Variants in TDRD12 observed in about 807,000 individuals in gnomAD.
The protein encoded by TDRD12 is putative ATP-dependent RNA helicase TDRD12.
A neutral mutation model predicts 133.5 loss-of-function variants in TDRD12; 158 were observed. That is an observed-to-expected ratio of 1.18 (90% CI 1.04 to 1.35). TDRD12 has a LOEUF of 1.35. Ranked by LOEUF, TDRD12 falls within the 40% of genes most tolerant of loss-of-function variation. TDRD12 has a pLI of 0.00. For synonymous variants in TDRD12, 460 were observed against 477.9 expected (o/e 0.96, Z 0.49); for missense variants, 1,443 against 1,321.3 (o/e 1.09, Z -1.43).
rs146717398 is a variant in TDRD12 at position 32,768,659 on chromosome 19, C to T, written c.866-4094C>T. ...GAGATTACAGGTGTGAGCCACTGCA[C>T]GCTGAGACCTTTCTTTGGCTTACTT... On this transcript the variant is annotated intron_variant, in intron 8 of 27. Transcript: ENST00000444215. 5.7e-3 allele frequency among the ~76,000 whole-genome samples: 872 copies of T among 152,196 alleles called. 7 individuals are homozygous for T. Among genetic ancestry groups the T allele is most frequent in the South Asian group, 0.011 (54 of 4,824 alleles).
chr19:32,776,335 G>A (rs1302529380), intron 10 of TDRD12, among the ~76,000 whole-genome samples: 2 of 152,328 alleles, frequency 1.3e-5, no homozygotes, highest in African/African-American at 2.4e-5. Flanking sequence ...CTGGCTTCAG[G>A]TGCAGGTTTT....
chr19:32,738,673 C>T lies in TDRD12; in HGVS notation c.184-183C>T, dbSNP rs1969298083. ...TACTAAAATACAAAAATTAGCCAGG[C>T]ATGGCGGCAGGCACCTGTAATCCCA... On this transcript the variant is annotated intron_variant, in intron 2 of 27. Coordinates refer to ENST00000444215, the Ensembl canonical transcript of TDRD12. Among the ~76,000 whole-genome samples the T allele has an allele frequency of 3.9e-5, 6 of 152,146 alleles. No homozygotes were observed. In the South Asian group the frequency reaches 1.2e-3, roughly 32 times the overall value.
At position 32,815,628 on chromosome 19, in the gene TDRD12, G is replaced by A. The variant is rs765274492; in HGVS notation, c.3314+8G>A. 2 of 1,525,924 alleles carry A rather than the reference G, an allele frequency of 1.3e-6. No individual in the cohort carries two copies. Among genetic ancestry groups the A allele is most frequent in the South Asian group, 2.4e-5 (2 of 81,880 alleles). The allele number at this position is 1,525,924 out of a possible 1,614,324, so 94.5% of individuals were successfully genotyped here. On this transcript the variant is annotated splice_region_variant and intron_variant, in intron 26 of 27. Coordinates refer to ENST00000444215, the Ensembl canonical transcript of TDRD12. ...AAGCCTAAGCCAGACCCCGTAAGTG[G>A]ATTTCTGTCTCCTTTTTGGAAGAGT...
chr19:32,734,940 C>T (rs554685294), intron 2 of TDRD12, among the ~76,000 whole-genome samples: 2 of 152,184 alleles, frequency 1.3e-5, no homozygotes, highest in South Asian at 4.2e-4. Context: ...TGGGGTGCCA[C>T]GAATTGCACC....
chr19:32,747,104 C>G (rs1220819917), intron 4 of TDRD12, among the ~76,000 whole-genome samples: 1 of 145,670 alleles, frequency 6.9e-6, no homozygotes, highest in African/African-American at 2.6e-5. Flanking sequence ...TGGGGTTATT[C>G]TGTGTGTGTG....
At chr19:32,823,369 C>G (rs1967469603), downstream of TDRD12, among the ~76,000 whole-genome samples, 1 of 151,888 alleles carries the variant, frequency 6.6e-6, no homozygotes, top group South Asian at 2.1e-4. Context: ...GCCATTTCCC[C>G]ACACAGCTTT....
intron 3 of TDRD12, among the ~76,000 whole-genome samples, chr19:32,740,007 A>ATCTCCTGGGTGCTCTCTGCC (rs1189620209): frequency 3.7e-4 from 36 of 97,296 alleles, no homozygotes; most frequent in African/African-American, 1.5e-3. Flanking sequence ...TGCTCTCTGC[A>ATCTCCTGGGTGCTCTCTGCC]TCTCCTGGGT....
intron 8 of TDRD12, among the ~76,000 whole-genome samples, chr19:32,757,601 G>C (rs1441352195): frequency 6.6e-6 from 1 of 152,164 alleles, no homozygotes; most frequent in South Asian, 2.1e-4. Flanking sequence ...CCTCTGTGGT[G>C]GTTCCTCCAC....
intron 26 of TDRD12, among the ~76,000 whole-genome samples, chr19:32,817,674 C>A (rs1212505318): frequency 6.6e-6 from 1 of 151,604 alleles, no homozygotes; most frequent in Admixed American, 6.6e-5. Context: ...TTTTGGGGAA[C>A]CTCCATCCAG....
At chr19:32,756,217 T>C (rs1281418098) in intron 7 of TDRD12, 36 bp downstream of exon 7, 2 of 1,380,748 alleles carry the variant, frequency 1.4e-6, no homozygotes, top group Admixed American at 3.9e-5. Context: ...TTCCCTTACA[T>C]TGTTTTATTA....
At chr19:32,738,082 A>C (rs550038235) in intron 2 of TDRD12, among the ~76,000 whole-genome samples, 7 of 152,152 alleles carry the variant, frequency 4.6e-5, no homozygotes, top group Admixed American at 2.0e-4. Flanking sequence ...GGTTGCAGTG[A>C]GCCAAGGTCG....
intron 11 of TDRD12, among the ~76,000 whole-genome samples, chr19:32,788,991 A>G (rs1476574410): frequency 6.6e-6 from 1 of 152,184 alleles, no homozygotes; most frequent in Non-Finnish European, 1.5e-5. Flanking sequence ...GTTTGCAGCT[A>G]GGCCTACAGC....
chr19:32,773,039 T>C (rs1050835516), intron 9 of TDRD12, among the ~76,000 whole-genome samples, 189 bp downstream of exon 9: 1 of 152,250 alleles, frequency 6.6e-6, no homozygotes, highest in East Asian at 1.9e-4. Context: ...TAGCTCCAGC[T>C]TCTTCATGTC....
intron 8 of TDRD12, among the ~76,000 whole-genome samples, chr19:32,772,422 C>T (rs1324202468): frequency 3.3e-5 from 5 of 152,118 alleles, no homozygotes; most frequent in African/African-American, 4.8e-5. Flanking sequence ...GAGGCAGAGT[C>T]GCATTGTAAG....
At chr19:32,818,047 C>T in intron 26 of TDRD12, 42 bp from the exon 27 acceptor site, 1 of 702,408 alleles carries the variant, frequency 1.4e-6, no homozygotes, top group Non-Finnish European at 2.6e-6. Flanking sequence ...TCCACAGATG[C>T]ACATGATTAT....
chr19:32,794,841 A>G (rs755569136), intron 14 of TDRD12, 28 bp downstream of exon 14: 13 of 698,252 alleles, frequency 1.9e-5, no homozygotes, highest in South Asian at 1.8e-4. Context: ...TTGCCTCACA[A>G]CCAAATGGGT....
intron 8 of TDRD12, among the ~76,000 whole-genome samples, chr19:32,759,384 C>T (rs1007364902): frequency 6.6e-6 from 1 of 151,608 alleles, no homozygotes; most frequent in Non-Finnish European, 1.5e-5. Context: ...CTAGAAGGCC[C>T]CTGGAGTTCT....
At chr19:32,720,196 T>C (rs1968584047) in intron 1 of TDRD12, 100 bp downstream of exon 1, 1 of 1,117,580 alleles carries the variant, frequency 8.9e-7, no homozygotes, top group Non-Finnish European at 1.2e-6. Context: ...TCCGCACAGC[T>C]TCCTACACCC....
chr19:32,741,503 G>A (rs1411581063), intron 3 of TDRD12, among the ~76,000 whole-genome samples: 4 of 152,230 alleles, frequency 2.6e-5, no homozygotes, highest in Non-Finnish European at 2.9e-5. Context: ...GCATACAACC[G>A]TAATCGCTGC....
Sources: gnomAD v4.1 joint callset for allele counts (sites outside exome capture counted in the v4.1 genomes callset) on GRCh38, gnomAD v4.1.1 for gene constraint, MANE v1.5 for transcripts, NCBI Gene and HGNC (gene_info 2026-07-23, HGNC 2026-07-21) for gene names.